JCAD: variants seen among roughly 807,000 people sequenced by gnomAD.
JCAD encodes the protein junctional cadherin 5-associated protein.
In JCAD, 40 loss-of-function variants were observed where a neutral mutation model predicts 98.0. The observed-to-expected ratio is 0.41, with a 90% CI of 0.32 to 0.53. The LOEUF is 0.53. Among genes scored for constraint, JCAD ranks in the 20% least tolerant of loss-of-function variants. JCAD has a pLI of 0.31. For missense variants in JCAD, 1,705 were observed against 1,738.1 expected (o/e 0.98, Z 0.34); for synonymous variants, 691 against 682.3 (o/e 1.01, Z -0.20).
At chr10:30,090,877 A>T (rs1285386611) in intron 1 of JCAD, among the ~76,000 whole-genome samples, 1 of 152,158 alleles carries the variant, frequency 6.6e-6, no homozygotes, top group African/African-American at 2.4e-5. Flanking sequence ...GCCAAACCCC[A>T]CGGCAGGATT....
At chr10:30,113,577 A>T (rs925348235) in intron 1 of JCAD, among the ~76,000 whole-genome samples, 2 of 148,600 alleles carry the variant, frequency 1.3e-5, no homozygotes, top group Non-Finnish European at 3.0e-5. Flanking sequence ...AAAAAAAAAA[A>T]GCCTCCCAGC....
intron 1 of JCAD, among the ~76,000 whole-genome samples, chr10:30,108,738 A>T (rs1223627264): frequency 6.6e-6 from 1 of 152,106 alleles, no homozygotes; most frequent in Non-Finnish European, 1.5e-5. Flanking sequence ...TTAAGTCAGA[A>T]TTCTCCAGCC....
intron 2 of JCAD, among the ~76,000 whole-genome samples, chr10:30,067,440 C>T (rs998784280): frequency 2.0e-5 from 3 of 152,036 alleles, no homozygotes; most frequent in Non-Finnish European, 4.4e-5. Context: ...GATCCTCCTG[C>T]CTCAGCCTCC....
At chr10:30,045,584 G>A (rs929047046) in intron 2 of JCAD, among the ~76,000 whole-genome samples, 4 of 152,124 alleles carry the variant, frequency 2.6e-5, no homozygotes, top group South Asian at 2.1e-4. Flanking sequence ...ACAAGCACCC[G>A]TTTGTGTGGT....
intron 3 of JCAD, among the ~76,000 whole-genome samples, chr10:30,021,947 C>T (rs894670410): frequency 7.9e-5 from 12 of 152,168 alleles, no homozygotes; most frequent in Non-Finnish European, 1.5e-4. Context: ...AAGCCTTCCC[C>T]GATTTCCCTC....
upstream of JCAD, among the ~76,000 whole-genome samples, chr10:30,061,242 T>C (rs148526534): frequency 0.01 from 1,541 of 152,212 alleles, 29 homozygotes; most frequent in African/African-American, 0.036. Context: ...CAGGTACATG[T>C]AATAGTCAAG....
intron 2 of JCAD, among the ~76,000 whole-genome samples, chr10:30,034,169 G>A (rs1205298711): frequency 6.6e-6 from 1 of 151,966 alleles, no homozygotes; most frequent in South Asian, 2.1e-4. Context: ...GTTGCAGTGA[G>A]CTGAGACCAT....
intron 2 of JCAD, among the ~76,000 whole-genome samples, chr10:30,064,854 T>C (rs1217720052): frequency 4.6e-5 from 7 of 152,172 alleles, no homozygotes; most frequent in Non-Finnish European, 1.0e-4. Flanking sequence ...GTATTTTTAG[T>C]AAAGACGGGG....
At chr10:30,076,216 A>G (rs775541136) in intron 1 of JCAD, among the ~76,000 whole-genome samples, 11 of 151,952 alleles carry the variant, frequency 7.2e-5, no homozygotes, top group Non-Finnish European at 1.3e-4. Flanking sequence ...TAGTAGAGGC[A>G]TGGTTTCATC....
At chr10:30,112,082 G>A (rs2132722351) in intron 1 of JCAD, among the ~76,000 whole-genome samples, 1 of 152,252 alleles carries the variant, frequency 6.6e-6, no homozygotes, top group South Asian at 2.1e-4. Flanking sequence ...AACTGATAAA[G>A]CATAAACAAA....
intron 1 of JCAD, among the ~76,000 whole-genome samples, chr10:30,082,905 G>A (rs1340818923): frequency 6.8e-6 from 1 of 147,206 alleles, no homozygotes; most frequent in Non-Finnish European, 1.5e-5. Flanking sequence ...GTGGTGGCAT[G>A]CACCTGTAGT....
Position 30,106,253 on chromosome 10 carries a change from T to C in JCAD, n.128+9114A>G, listed in dbSNP as rs535746201. On this transcript the variant is annotated intron_variant and non_coding_transcript_variant, in intron 1 of 2. Coordinates refer to the JCAD transcript ENST00000465712. ...GTCTGGGCAACACAGCAAGACCCCATCTCTACAAAAAATAAAAAATATAAA... is the reference window on the plus strand; with the variant it reads ...GTCTGGGCAACACAGCAAGACCCCACCTCTACAAAAAATAAAAAATATAAA... 9.1e-4 allele frequency among the ~76,000 whole-genome samples: 138 copies of C among 151,890 alleles called. 1 individual carries two copies. The highest frequency in any genetic ancestry group is 3.0e-3 in the African/African-American group (126 of 41,396).
chr10:30,067,625 G>T (rs543456704), intron 2 of JCAD, among the ~76,000 whole-genome samples: 1 of 152,336 alleles, frequency 6.6e-6, no homozygotes, highest in African/African-American at 2.4e-5. Flanking sequence ...ACTGCAACTG[G>T]CCAAGAACTA....
chr10:30,044,206 C>T (rs1040513614), intron 2 of JCAD, among the ~76,000 whole-genome samples: 1 of 152,196 alleles, frequency 6.6e-6, no homozygotes, highest in African/African-American at 2.4e-5. Context: ...TCATAAATTA[C>T]CCAGCCTGTT....
Position 30,059,491 on chromosome 10 carries a change from C to T in JCAD, c.-69G>A, listed in dbSNP as rs1232125961. 4.6e-5 allele frequency: 7 copies of T among 151,560 alleles called. No homozygotes were observed. The highest frequency in any genetic ancestry group is 1.0e-4 in the Non-Finnish European group (7 of 67,588). 9.4% of individuals were successfully genotyped at this position (151,560 alleles called of 1,614,324 possible). A position where few individuals can be genotyped will look rare whatever the true frequency, so the allele number is the denominator to read the frequency against. ...AGACGCCGGGACTTACCGAGCGGCT[C>T]CCTCATGCCGCCTCGCGCCGCCACC... On this transcript the variant is annotated 5_prime_UTR_variant, in exon 1 of 4. Transcript: ENST00000375377. The surrounding 1 kb of genome is among the most constrained non-coding windows in gnomAD (Gnocchi z 5.0).
intron 1 of JCAD, among the ~76,000 whole-genome samples, chr10:30,099,321 A>C (rs1838431064): frequency 6.6e-6 from 1 of 152,186 alleles, no homozygotes; most frequent in Admixed American, 6.5e-5. Context: ...TCAGGGGTAA[A>C]ACTCCCATTA....
intron 3 of JCAD, among the ~76,000 whole-genome samples, chr10:30,023,520 G>A (rs1164268057): frequency 1.3e-5 from 2 of 152,104 alleles, no homozygotes; most frequent in Admixed American, 6.5e-5. Flanking sequence ...ACTCTCTATG[G>A]TGTTCACACA....
rs756349116 is a variant in JCAD at position 30,027,221 on chromosome 10, G to A, written c.2927C>T (p.Thr976Met). 1.1e-5 allele frequency: 17 copies of A among 1,614,150 alleles called. No individual in the cohort carries two copies. Among genetic ancestry groups the A allele is most frequent in the Admixed American group, 3.3e-5 (2 of 60,024 alleles). The change falls in exon 3 of 4, where the codon ACG (threonine) becomes ATG (methionine). Residue 976 changes from threonine (T) to methionine (M), a missense_variant. Thr to Met is a moderately conservative substitution (Grantham distance 81, BLOSUM62 -1). Coordinates refer to ENST00000375377, the MANE Select transcript of JCAD (RefSeq NM_020848.4). ...GTCACTTGATCTTGAAGACATTCTC[G>A]TCACAGGAAATGGGCTACCTGCCAG... ...DELAGSPFPV[T>M]RMSSRSSDAK...
intron 2 of JCAD, among the ~76,000 whole-genome samples, chr10:30,038,688 T>TAAAAAA (rs11402293): frequency 9.8e-5 from 12 of 121,980 alleles, no homozygotes; most frequent in African/African-American, 2.1e-4. Flanking sequence ...TGTCTCAAAA[T>TAAAAAA]AAAAAAAAAA....
Sources: gnomAD v4.1 joint callset for allele counts (sites outside exome capture counted in the v4.1 genomes callset) on GRCh38, gnomAD v4.1.1 for gene constraint, Gnocchi (gnomAD v3.1) non-coding constraint, MANE v1.5 for transcripts, NCBI Gene and HGNC (gene_info 2026-07-23, HGNC 2026-07-21) for gene names.